Variants in NXN observed in about 807,000 individuals in gnomAD.
NXN encodes the protein nucleoredoxin 1.
A neutral mutation model predicts 48.6 loss-of-function variants in NXN; 16 were observed. That is an observed-to-expected ratio of 0.33 (90% CI 0.22 to 0.50). NXN has a LOEUF of 0.50. NXN is among the 20% of genes least tolerant of loss of function. NXN has a pLI of 0.98. For missense variants in NXN, 492 were observed against 605.5 expected (o/e 0.81, Z 1.97); for synonymous variants, 281 against 269.6 (o/e 1.04, Z -0.41).
intron 1 of NXN, chr17:864,194 G>C: frequency 1.7e-6 from 2 of 1,202,208 alleles, no homozygotes; most frequent in Non-Finnish European, 2.1e-6. Context: ...GCTCGGTTCC[G>C]GTGAAGGGCA....
intron 1 of NXN, among the ~76,000 whole-genome samples, chr17:904,035 GAAGT>G (rs2068560496): frequency 6.6e-6 from 1 of 152,256 alleles, no homozygotes; most frequent in African/African-American, 2.4e-5. Context: ...TTTGTGGGCT[GAAGT>G]CAGACTTGTA....
intron 1 of NXN, among the ~76,000 whole-genome samples, chr17:890,296 A>G (rs1243463333): frequency 6.6e-6 from 1 of 152,198 alleles, no homozygotes; most frequent in African/African-American, 2.4e-5. Flanking sequence ...AATTTGTTTT[A>G]TATGCCTCAG....
chr17:890,689 T>C (rs1453489040), intron 1 of NXN, among the ~76,000 whole-genome samples: 7 of 152,124 alleles, frequency 4.6e-5, no homozygotes, highest in African/African-American at 1.7e-4. Flanking sequence ...CCAAGAGTTT[T>C]TTCAAAATAA....
chr17:872,012 A>G (rs1237728021), intron 1 of NXN, among the ~76,000 whole-genome samples: 2 of 152,176 alleles, frequency 1.3e-5, no homozygotes, highest in East Asian at 3.8e-4. Context: ...GCAAAAATAA[A>G]AATAAAAAAT....
chr17:915,298 C>T (rs576739806), intron 1 of NXN, among the ~76,000 whole-genome samples: 3 of 152,002 alleles, frequency 2.0e-5, no homozygotes, highest in Non-Finnish European at 4.4e-5. Context: ...GGAATTCTTT[C>T]TCTCTTTCTT....
chr17:875,177 G>A (rs1339453673), intron 1 of NXN, among the ~76,000 whole-genome samples: 2 of 151,782 alleles, frequency 1.3e-5, no homozygotes, highest in African/African-American at 2.4e-5. Flanking sequence ...GATTACAGGC[G>A]CACGCCACCA....
chr17:828,469 T>A (rs946655648), intron 1 of NXN, among the ~76,000 whole-genome samples: 1 of 148,498 alleles, frequency 6.7e-6, no homozygotes, highest in Non-Finnish European at 1.5e-5. Context: ...TGGTGTGATC[T>A]AGGCTCACTG....
chr17:860,711 T>C (rs1254969708), intron 1 of NXN, among the ~76,000 whole-genome samples: 1 of 152,290 alleles, frequency 6.6e-6, no homozygotes, highest in Non-Finnish European at 1.5e-5. Flanking sequence ...TTTTGACTTT[T>C]GAACCTCGTA....
At chr17:913,905 T>C (rs1248089129) in intron 1 of NXN, among the ~76,000 whole-genome samples, 1 of 152,234 alleles carries the variant, frequency 6.6e-6, no homozygotes, top group Non-Finnish European at 1.5e-5. Context: ...TATTTATTTT[T>C]ATTTTTATTT....
intron 1 of NXN, chr17:842,452 G>C: frequency 5.4e-6 from 5 of 929,818 alleles, no homozygotes; most frequent in Non-Finnish European, 3.8e-6. Context: ...CCGTGATCCC[G>C]GCGGGGAAGG....
chr17:900,983 C>CTCTAG (rs2068532557), intron 1 of NXN, among the ~76,000 whole-genome samples: 2 of 144,146 alleles, frequency 1.4e-5, no homozygotes, highest in Non-Finnish European at 3.0e-5. Context: ...TGCAATGGCA[C>CTCTAG]GATCTTGGTT....
chr17:834,297 G>GGA, intron 1 of NXN, among the ~76,000 whole-genome samples: 2 of 152,202 alleles, frequency 1.3e-5, no homozygotes, highest in Admixed American at 1.3e-4. Context: ...ACCCCAGCAT[G>GGA]AGTGACGGGG....
intron 1 of NXN, among the ~76,000 whole-genome samples, chr17:840,574 C>T (rs549397373): frequency 1.7e-4 from 26 of 152,260 alleles, no homozygotes; most frequent in South Asian, 1.2e-3. Flanking sequence ...CTCCTGACCT[C>T]GTGATCCGCC....
At chr17:915,589 G>A (rs1337598787) in intron 1 of NXN, among the ~76,000 whole-genome samples, 3 of 152,138 alleles carry the variant, frequency 2.0e-5, no homozygotes, top group African/African-American at 7.2e-5. Flanking sequence ...CTGGACTCTA[G>A]GAAATTATTT....
chr17:952,821 G>C (rs1029273361), intron 1 of NXN, among the ~76,000 whole-genome samples: 1 of 146,842 alleles, frequency 6.8e-6, no homozygotes, highest in South Asian at 2.2e-4. Flanking sequence ...ACTGTGGGGG[G>C]GCTGGAGTCA....
At position 823,615 on chromosome 17, in the gene NXN, G is replaced by A; in HGVS notation, c.612+17C>T. ...CTGCTTCCTTCTGTCTGAGCCAAAGGGGGTCCAAACACTCACCCAATGTGC... is the reference window on the plus strand; with the variant it reads ...CTGCTTCCTTCTGTCTGAGCCAAAGAGGGTCCAAACACTCACCCAATGTGC... On this transcript the variant is annotated intron_variant, in intron 3 of 7. Coordinates refer to ENST00000336868, the MANE Select transcript of NXN (RefSeq NM_022463.5). 1.2e-6 allele frequency: 2 copies of A among 1,613,758 alleles called. No homozygotes were observed. Among genetic ancestry groups the A allele is most frequent in the Non-Finnish European group, 1.7e-6 (2 of 1,179,820 alleles).
intron 1 of NXN, among the ~76,000 whole-genome samples, chr17:838,430 C>A (rs926028340): frequency 7.9e-5 from 12 of 152,136 alleles, no homozygotes; most frequent in Non-Finnish European, 1.6e-4. Flanking sequence ...CCGCGCCCGG[C>A]CATAACAGTG....
At chr17:881,290 C>A (rs573579985) in intron 1 of NXN, among the ~76,000 whole-genome samples, 37 of 152,346 alleles carry the variant, frequency 2.4e-4, no homozygotes, top group Non-Finnish European at 4.4e-4. Context: ...CACTGTTACC[C>A]AGGCTGGAGT....
At chr17:914,745 C>T (rs143018047) in intron 1 of NXN, among the ~76,000 whole-genome samples, 7 of 152,090 alleles carry the variant, frequency 4.6e-5, no homozygotes, top group African/African-American at 1.2e-4. Context: ...TAACAGGGAG[C>T]GTACCGTGAT....
Sources: allele counts gnomAD v4.1 joint callset (sites outside exome capture counted in the v4.1 genomes callset), GRCh38; gene constraint gnomAD v4.1.1; transcripts MANE v1.5; gene names NCBI Gene and HGNC (gene_info 2026-07-23, HGNC 2026-07-21).